Variants in EPHA6 observed in about 807,000 individuals in gnomAD.
EPHA6 encodes the protein EPH receptor A6, also known as ephrin type-A receptor 6.
Under a neutral mutation model 112.0 loss-of-function variants are expected in EPHA6, and 50 were observed. That is an observed-to-expected ratio of 0.45 (90% CI 0.36 to 0.56). The LOEUF is 0.56. Among genes scored for constraint, EPHA6 ranks in the 20% least tolerant of loss-of-function variants. The pLI is 0.00. For missense variants in EPHA6, 1,280 were observed against 1,417.4 expected (o/e 0.90, Z 1.56); for synonymous variants, 529 against 490.7 (o/e 1.08, Z -1.03).
chr3:96,840,933 G>A (rs80313719), intron 1 of EPHA6, among the ~76,000 whole-genome samples: 2,178 of 152,120 alleles, frequency 0.014, 55 homozygotes, highest in African/African-American at 0.049. Flanking sequence ...AAAAATTATG[G>A]TAGTAATTAA....
chr3:97,748,571 C>T lies in EPHA6; in HGVS notation c.3279-16C>T, dbSNP rs1295308752. The T allele has an allele frequency of 2.6e-5, 35 of 1,370,702 alleles. No individual in the cohort carries two copies. Among genetic ancestry groups the T allele is most frequent in the Non-Finnish European group, 3.6e-5 (35 of 961,428 alleles). 84.9% of individuals were successfully genotyped at this position (1,370,702 alleles called of 1,614,324 possible). A position where few individuals can be genotyped will look rare whatever the true frequency, so the allele number is the denominator to read the frequency against. On this transcript the variant is annotated splice_polypyrimidine_tract_variant and intron_variant, in intron 17 of 17. Coordinates refer to ENST00000389672, the MANE Select transcript of EPHA6 (RefSeq NM_001080448.3). Reference sequence around the variant, plus strand: ...TCTCACTCTCGCTCTCACTCTTGCTCTCTCCTTTCTTTCAGTGACATTAGA... The same window carrying T: ...TCTCACTCTCGCTCTCACTCTTGCTTTCTCCTTTCTTTCAGTGACATTAGA...
At chr3:97,183,625 A>C (rs879818082) in intron 3 of EPHA6, among the ~76,000 whole-genome samples, 4 of 152,124 alleles carry the variant, frequency 2.6e-5, no homozygotes, top group Non-Finnish European at 5.9e-5. Flanking sequence ...TTCTTTAATT[A>C]AATTAAACAT....
chr3:97,052,082 A>G (rs1261457126), intron 3 of EPHA6, among the ~76,000 whole-genome samples: 1 of 152,172 alleles, frequency 6.6e-6, no homozygotes, highest in Non-Finnish European at 1.5e-5. Flanking sequence ...ACCATTTTAT[A>G]GATGAGGAAC....
intron 8 of EPHA6, among the ~76,000 whole-genome samples, chr3:97,477,279 A>G (rs1314116956): frequency 6.6e-6 from 1 of 152,048 alleles, no homozygotes; most frequent in Non-Finnish European, 1.5e-5. Flanking sequence ...TAGCCAGAAT[A>G]AAGTGATTAT....
chr3:97,653,505 A>C (rs1400096201), intron 14 of EPHA6, among the ~76,000 whole-genome samples: 1 of 152,014 alleles, frequency 6.6e-6, no homozygotes, highest in Non-Finnish European at 1.5e-5. Context: ...AAAAAATAGC[A>C]AGTGGTGGTG....
intron 14 of EPHA6, among the ~76,000 whole-genome samples, chr3:97,703,035 A>C (rs184172456): frequency 3.3e-4 from 51 of 152,310 alleles, no homozygotes; most frequent in Middle Eastern, 3.4e-3. Context: ...TTTAGGGCTC[A>C]TGAGAAAGAA....
chr3:97,656,454 TATAAATA>T (rs2094138322), intron 14 of EPHA6, among the ~76,000 whole-genome samples: 2 of 151,904 alleles, frequency 1.3e-5, no homozygotes, highest in Non-Finnish European at 2.9e-5. Flanking sequence ...TTTCCGAACC[TATAAATA>T]ATGATTAGGA....
rs574860973 is a variant in EPHA6 at position 97,484,967 on chromosome 3, T to C, written c.2200+908T>C. Among the ~76,000 whole-genome samples the C allele has an allele frequency of 5.3e-5, 8 of 152,322 alleles. No individual in the cohort carries two copies. In the South Asian group the frequency reaches 1.7e-3, roughly 32 times the overall value. ...TAACAATAACATGGACATACTTAAT[T>C]GCTAGAGAGTTTGGAAACGGAATTG... On this transcript the variant is annotated intron_variant, in intron 10 of 17. Transcript: ENST00000389672.
chr3:97,537,551 A>T (rs558692457), intron 11 of EPHA6, among the ~76,000 whole-genome samples: 2 of 152,182 alleles, frequency 1.3e-5, no homozygotes, highest in South Asian at 4.1e-4. Context: ...TTCAGCAAAT[A>T]TTTATTTAGT....
chr3:97,352,016 G>T (rs1014727981), intron 5 of EPHA6, among the ~76,000 whole-genome samples: 1 of 152,098 alleles, frequency 6.6e-6, no homozygotes, highest in African/African-American at 2.4e-5. Flanking sequence ...ACCACATAAA[G>T]GAATACACAG....
chr3:97,442,774 G>A (rs1341334036), intron 6 of EPHA6, among the ~76,000 whole-genome samples: 1 of 152,146 alleles, frequency 6.6e-6, no homozygotes, highest in Non-Finnish European at 1.5e-5. Context: ...TGATGACTAT[G>A]TGTACCCAGG....
At chr3:97,661,815 A>T (rs2094171411) in intron 14 of EPHA6, among the ~76,000 whole-genome samples, 1 of 152,114 alleles carries the variant, frequency 6.6e-6, no homozygotes, top group Admixed American at 6.6e-5. Flanking sequence ...AAATGTATAC[A>T]AGCTTGAGGG....
intron 3 of EPHA6, among the ~76,000 whole-genome samples, chr3:97,135,876 A>G (rs1475703070): frequency 2.0e-5 from 3 of 151,996 alleles, no homozygotes; most frequent in East Asian, 1.9e-4. Context: ...ACACACACAC[A>G]CGCACCAGCA....
chr3:97,596,633 T>A (rs962722287), intron 12 of EPHA6, among the ~76,000 whole-genome samples: 4 of 151,652 alleles, frequency 2.6e-5, no homozygotes, highest in Non-Finnish European at 4.4e-5. Flanking sequence ...TGTAAAGGCA[T>A]GTTTATTATC....
intron 5 of EPHA6, among the ~76,000 whole-genome samples, chr3:97,317,586 C>T (rs2081906264): frequency 6.6e-6 from 1 of 151,750 alleles, no homozygotes; most frequent in Non-Finnish European, 1.5e-5. Context: ...GTTTTACAAA[C>T]TTGTAACTTT....
intron 2 of EPHA6, among the ~76,000 whole-genome samples, chr3:96,882,532 T>C (rs2037374369): frequency 6.6e-6 from 1 of 152,078 alleles, no homozygotes; most frequent in African/African-American, 2.4e-5. Flanking sequence ...TCCCCCCAAG[T>C]CCCCAAAATC....
intron 5 of EPHA6, among the ~76,000 whole-genome samples, chr3:97,381,432 A>G (rs2085721647): frequency 6.6e-6 from 1 of 152,124 alleles, no homozygotes; most frequent in Non-Finnish European, 1.5e-5. Flanking sequence ...CATAGAAAAA[A>G]TAAGTGAATT....
chr3:97,043,329 G>A (rs1288599816), intron 3 of EPHA6, among the ~76,000 whole-genome samples: 1 of 152,122 alleles, frequency 6.6e-6, no homozygotes, highest in African/African-American at 2.4e-5. Context: ...CCAAACCTGA[G>A]CTGCCCATTC....
chr3:97,329,149 T>C (rs531411870), intron 5 of EPHA6, among the ~76,000 whole-genome samples: 10 of 152,248 alleles, frequency 6.6e-5, no homozygotes, highest in African/African-American at 2.4e-4. Flanking sequence ...CATGAACTCA[T>C]CCTTTTTTAT....
Sources: allele counts gnomAD v4.1 joint callset (sites outside exome capture counted in the v4.1 genomes callset), GRCh38; gene constraint gnomAD v4.1.1; transcripts MANE v1.5; gene names NCBI Gene and HGNC (gene_info 2026-07-23, HGNC 2026-07-21).